The following POU6F2 variants were observed in gnomAD, a reference collection of about 807,000 sequenced individuals.
The protein encoded by POU6F2 is POU class 6 homeobox 2, also known as POU domain, class 6, transcription factor 2.
POU6F2 carries 31 observed loss-of-function variants against 71.3 expected under a neutral mutation model. The observed-to-expected ratio is 0.43, with a 90% CI of 0.33 to 0.59. The LOEUF (loss-of-function observed/expected upper bound fraction) is 0.59. Ranked by LOEUF, POU6F2 falls within the 20% of genes least tolerant of loss-of-function variation. The pLI, the probability that POU6F2 is intolerant of heterozygous loss-of-function variation, is 0.04. For missense variants in POU6F2, 783 were observed against 856.8 expected, an observed-to-expected ratio of 0.91 and a Z score of 1.07; for synonymous variants, 347 against 355.7, an observed-to-expected ratio of 0.98 and a Z score of 0.27.
intron 2 of POU6F2, among the ~76,000 whole-genome samples, chr7:39,190,360 A>C (rs1352417595): frequency 6.9e-6 from 1 of 144,428 alleles, no homozygotes; most frequent in Non-Finnish European, 1.5e-5. Context: ...GAGCACAAGA[A>C]CTTGACCAGC....
chr7:39,434,705 C>G (rs551649133), intron 7 of POU6F2, among the ~76,000 whole-genome samples: 20 of 151,638 alleles, frequency 1.3e-4, no homozygotes, highest in African/African-American at 4.4e-4. Context: ...ATGTGCAGAA[C>G]GTGCAGGTTT....
Position 39,204,332 on chromosome 7 carries a change from T to C in POU6F2, c.369+6T>C. ...CATTTCCAGTTGGGCCACAGGTCAG[T>C]ATCTCTCAACTGCTTTCCACTGGGC... On this transcript the variant is annotated splice_donor_region_variant and intron_variant, in intron 3 of 9. Transcript: ENST00000518318. 1.2e-6 allele frequency: 2 copies of C among 1,608,736 alleles called. No homozygotes were observed. The highest frequency in any genetic ancestry group is 2.7e-5 in the African/African-American group (2 of 74,920).
At chr7:39,185,031 T>C (rs1416966010) in intron 2 of POU6F2, among the ~76,000 whole-genome samples, 1 of 152,248 alleles carries the variant, frequency 6.6e-6, no homozygotes, top group East Asian at 1.9e-4. Context: ...CTCAATTACA[T>C]AGATACATAT....
chr7:39,168,786 G>GT lies in POU6F2; in HGVS notation c.278-35442dup, dbSNP rs1192613020. 6.6e-5 allele frequency among the ~76,000 whole-genome samples: 10 copies of GT among 152,256 alleles called. 1 individual carries two copies. The Middle Eastern group carries it at 0.01, about 156-fold the overall frequency. Reference sequence around the variant, plus strand: ...AAAACCTGATGTGTCTCTCCTGCATGTTTTTTTGTCCCCACTGCCATTTTC... The same window carrying GT: ...AAAACCTGATGTGTCTCTCCTGCATGTTTTTTTTGTCCCCACTGCCATTTTC... On this transcript the variant is annotated intron_variant, in intron 2 of 9. Transcript: ENST00000518318.
chr7:39,390,374 C>T (rs187777759), intron 5 of POU6F2, among the ~76,000 whole-genome samples: 6 of 152,206 alleles, frequency 3.9e-5, no homozygotes, highest in Admixed American at 2.6e-4. Flanking sequence ...CCAGCCTGGG[C>T]GGCAAATCAA....
Position 39,339,784 on chromosome 7 carries a change from G to A in POU6F2, c.741G>A (p.Gln247=). Reference sequence around the variant, plus strand: ...AGGCGCCCTCGCAGTCCCAGCAGCAGCCGCTGCAGCCCACCCCACCCCAGC... The same window carrying A: ...AGGCGCCCTCGCAGTCCCAGCAGCAACCGCTGCAGCCCACCCCACCCCAGC... ...APQAPSQSQQ[Q]PLQPTPPQQP... The change falls in exon 5 of 10, where the codon CAG becomes CAA. Residue 247 remains glutamine, a synonymous_variant. Transcript: ENST00000518318. 2 of 1,573,236 alleles carry A rather than the reference G, an allele frequency of 1.3e-6. No individual in the cohort carries two copies. The highest frequency in any genetic ancestry group is 1.1e-5 in the South Asian group (1 of 87,074).
At chr7:39,213,430 A>G (rs889628692) in intron 4 of POU6F2, among the ~76,000 whole-genome samples, 1 of 152,220 alleles carries the variant, frequency 6.6e-6, no homozygotes, top group African/African-American at 2.4e-5. Flanking sequence ...CTTTACATAC[A>G]AGAAAATGCA....
chr7:39,460,741 C>A lies in POU6F2; in HGVS notation c.1658+26C>A. 6.5e-7 allele frequency: 1 copy of A among 1,547,536 alleles called. No individual in the cohort carries two copies. Among genetic ancestry groups the A allele is most frequent in the East Asian group, 2.3e-5 (1 of 42,972 alleles). On this transcript the variant is annotated intron_variant, in intron 9 of 9. Coordinates refer to ENST00000518318, the MANE Select transcript of POU6F2 (RefSeq NM_001370959.1). The surrounding 1 kb of genome is among the most constrained non-coding windows in gnomAD (Gnocchi z 4.4). ...GTAACGCGCGCCTGCATGCTGTCAC[C>A]TCTTCTAGCCGCCCTGGGCCTCATT...
chr7:39,067,024 T>C (rs115815802), intron 1 of POU6F2, among the ~76,000 whole-genome samples: 8,797 of 148,242 alleles, frequency 0.059, 448 homozygotes, highest in African/African-American at 0.13. Context: ...TATTTATAAA[T>C]CATATTTAGA....
At chr7:39,115,821 A>T (rs1419096713) in intron 2 of POU6F2, among the ~76,000 whole-genome samples, 2 of 151,764 alleles carry the variant, frequency 1.3e-5, no homozygotes, top group Non-Finnish European at 2.9e-5. Flanking sequence ...TTTTTTTTTT[A>T]AAGACATGCT....
At chr7:39,369,834 C>G (rs373374009) in intron 5 of POU6F2, among the ~76,000 whole-genome samples, 1 of 151,278 alleles carries the variant, frequency 6.6e-6, no homozygotes, top group African/African-American at 2.4e-5. Flanking sequence ...CAGACACACA[C>G]CACCACTCGC....
chr7:39,201,746 A>T (rs1167503935), intron 2 of POU6F2, among the ~76,000 whole-genome samples: 4 of 152,170 alleles, frequency 2.6e-5, no homozygotes, highest in Non-Finnish European at 4.4e-5. Context: ...CCAATGTCAA[A>T]TTCTCTGCAA....
intron 5 of POU6F2, among the ~76,000 whole-genome samples, chr7:39,354,137 GA>G (rs1250160169): frequency 6.6e-6 from 1 of 152,182 alleles, no homozygotes; most frequent in South Asian, 2.1e-4. Flanking sequence ...GAGGTGGGGG[GA>G]ACAGGGAGGG....
At chr7:39,028,151 G>T (rs1789857759) in intron 1 of POU6F2, among the ~76,000 whole-genome samples, 1 of 151,718 alleles carries the variant, frequency 6.6e-6, no homozygotes, top group Non-Finnish European at 1.5e-5. Context: ...TGAAAAGCCT[G>T]TTCATGTCAT....
At chr7:39,208,349 T>C (rs1794066493) in intron 4 of POU6F2, among the ~76,000 whole-genome samples, 1 of 152,208 alleles carries the variant, frequency 6.6e-6, no homozygotes, top group Non-Finnish European at 1.5e-5. Flanking sequence ...ATGACCTGAA[T>C]ATAAATAGGA....
intron 2 of POU6F2, among the ~76,000 whole-genome samples, chr7:39,150,242 T>TGTGTGG (rs1441634953): frequency 1.3e-5 from 2 of 151,266 alleles, no homozygotes; most frequent in Non-Finnish European, 3.0e-5. Flanking sequence ...TGTGTGTGTG[T>TGTGTGG]GTGTGTGTGT....
chr7:39,048,189 A>G (rs967281539), intron 1 of POU6F2, among the ~76,000 whole-genome samples: 2 of 151,892 alleles, frequency 1.3e-5, no homozygotes, highest in African/African-American at 4.8e-5. Context: ...TTGTAGGTCT[A>G]TACAAATTTT....
rs1272158451 is a variant in POU6F2 at position 39,419,091 on chromosome 7, GTGTATATATACACATATATACGTA to G, written c.1113+12353_1113+12376del. Among the ~76,000 whole-genome samples, 21 of 71,720 alleles carry G rather than the reference GTGTATATATACACATATATACGTA, an allele frequency of 2.9e-4. No individual in the cohort carries two copies. In the Middle Eastern group the frequency reaches 0.02, roughly 68 times the overall value. 47.1% of individuals were successfully genotyped at this position (71,720 alleles called of 152,430 possible). On this transcript the variant is annotated intron_variant, in intron 6 of 9. Coordinates refer to ENST00000518318, the MANE Select transcript of POU6F2 (RefSeq NM_001370959.1). ...TATATACACACATATATACGTATAT[GTGTATATATACACATATATACGTA>G]TATATGTGTATATATACACATATAT...
intron 5 of POU6F2, among the ~76,000 whole-genome samples, chr7:39,363,401 G>A (rs150609319): frequency 1.3e-4 from 20 of 152,150 alleles, no homozygotes; most frequent in Admixed American, 7.9e-4. Flanking sequence ...TTTTAGACAC[G>A]TCATGTTTGC....
Sources: allele counts gnomAD v4.1 joint callset (sites outside exome capture counted in the v4.1 genomes callset), GRCh38; gene constraint gnomAD v4.1.1; non-coding constraint Gnocchi (gnomAD v3.1); transcripts MANE v1.5; gene names NCBI Gene and HGNC (gene_info 2026-07-23, HGNC 2026-07-21).